Variants in TEAD1 observed in about 807,000 individuals in gnomAD.
The protein encoded by TEAD1 is TEA domain transcription factor 1.
Under a neutral mutation model 54.9 loss-of-function variants are expected in TEAD1, and 9 were observed. The observed-to-expected ratio is 0.16, with a 90% CI of 0.10 to 0.29. The LOEUF is 0.29. Among genes scored for constraint, TEAD1 ranks in the 10% least tolerant of loss-of-function variants. The probability of loss-of-function intolerance (pLI) is 1.00; values close to 1 mark genes in which losing one functional copy is unlikely to be tolerated. For synonymous variants in TEAD1, 200 were observed against 187.8 expected, an observed-to-expected ratio of 1.07 and a Z score of -0.53; for missense variants, 387 against 535.9, an observed-to-expected ratio of 0.72 and a Z score of 2.74.
At chr11:12,683,463 G>A (rs987515067) in intron 2 of TEAD1, among the ~76,000 whole-genome samples, 1 of 152,126 alleles carries the variant, frequency 6.6e-6, no homozygotes, top group Admixed American at 6.5e-5. Flanking sequence ...TCAGAATAAA[G>A]GGGAAACACA....
intron 2 of TEAD1, among the ~76,000 whole-genome samples, chr11:12,740,769 C>T (rs1323685107): frequency 6.6e-6 from 1 of 152,078 alleles, no homozygotes; most frequent in Non-Finnish European, 1.5e-5. Context: ...ACTCCCACGA[C>T]ACATGGGGAT....
intron 3 of TEAD1, among the ~76,000 whole-genome samples, chr11:12,809,514 A>G (rs1371607267): frequency 6.6e-6 from 1 of 152,164 alleles, no homozygotes; most frequent in African/African-American, 2.4e-5. Context: ...GATGGAATTG[A>G]TGTCTCTGTG....
intron 9 of TEAD1, among the ~76,000 whole-genome samples, chr11:12,892,173 A>G (rs1009836843): frequency 5.3e-5 from 8 of 152,194 alleles, no homozygotes; most frequent in Admixed American, 3.9e-4. Flanking sequence ...ACTTCTTTCA[A>G]TGGCCTAAAT....
chr11:12,723,045 T>A (rs939363519), intron 2 of TEAD1, among the ~76,000 whole-genome samples: 1 of 152,126 alleles, frequency 6.6e-6, no homozygotes, highest in African/African-American at 2.4e-5. Context: ...TTATTGTGGA[T>A]TTTTTCCTTA....
chr11:12,867,853 G>A (rs187056926), intron 5 of TEAD1, among the ~76,000 whole-genome samples: 2 of 152,286 alleles, frequency 1.3e-5, no homozygotes, highest in Admixed American at 6.5e-5. Flanking sequence ...GGAGTGGCAG[G>A]AAGTATCCAA....
chr11:12,683,713 A>G (rs1404568584), intron 2 of TEAD1, among the ~76,000 whole-genome samples: 3 of 152,202 alleles, frequency 2.0e-5, no homozygotes, highest in Non-Finnish European at 4.4e-5. Flanking sequence ...GTTTGTTGCC[A>G]GTAATGGGCT....
chr11:12,925,144 G>A lies in TEAD1; in HGVS notation c.1014+92G>A. Reference sequence around the variant, plus strand: ...CTTGGGGCAGAGAGTTGTATTTTTGGATGTCTGCTTCTTACCTTCTGTATT... The same window carrying A: ...CTTGGGGCAGAGAGTTGTATTTTTGAATGTCTGCTTCTTACCTTCTGTATT... On this transcript the variant is annotated intron_variant, in intron 11 of 12. Coordinates refer to ENST00000527636, the MANE Select transcript of TEAD1 (RefSeq NM_021961.6). 4 of 1,447,640 alleles carry A rather than the reference G, an allele frequency of 2.8e-6. No individual in the cohort carries two copies. The South Asian group carries it at 4.7e-5, about 17-fold the overall frequency. The allele number at this position is 1,447,640 out of a possible 1,614,324, so 89.7% of individuals were successfully genotyped here. A position where few individuals can be genotyped will look rare whatever the true frequency, so the allele number is the denominator to read the frequency against.
intron 9 of TEAD1, among the ~76,000 whole-genome samples, chr11:12,886,465 A>G (rs1294106267): frequency 6.6e-6 from 1 of 152,194 alleles, no homozygotes; most frequent in Admixed American, 6.5e-5. Flanking sequence ...AATTTATTTA[A>G]CAAGTATTTT....
chr11:12,825,302 G>A (rs778998033), intron 3 of TEAD1, among the ~76,000 whole-genome samples: 1 of 152,168 alleles, frequency 6.6e-6, no homozygotes, highest in Non-Finnish European at 1.5e-5. Context: ...ATTTTCAGAT[G>A]AATTGAGCCT....
intron 3 of TEAD1, among the ~76,000 whole-genome samples, chr11:12,791,688 C>T (rs1274012383): frequency 2.0e-5 from 3 of 151,960 alleles, no homozygotes; most frequent in Non-Finnish European, 4.4e-5. Context: ...AGATTTGGGG[C>T]CAATTTAAGT....
At chr11:12,860,931 T>C (rs1412601023) in intron 3 of TEAD1, among the ~76,000 whole-genome samples, 3 of 152,134 alleles carry the variant, frequency 2.0e-5, no homozygotes, top group Non-Finnish European at 2.9e-5. Flanking sequence ...GAAGGAGAAA[T>C]AGAATCTAGC....
rs1327718257 is a variant in TEAD1 at position 12,939,486 on chromosome 11, CA to C, written c.*2265del. 2 of 152,242 alleles carry C rather than the reference CA, an allele frequency of 1.3e-5. No homozygotes were observed. Among genetic ancestry groups the C allele is most frequent in the Non-Finnish European group, 2.9e-5 (2 of 68,100 alleles). 9.4% of individuals were successfully genotyped at this position (152,242 alleles called of 1,614,324 possible). On this transcript the variant is annotated 3_prime_UTR_variant, in exon 13 of 13. Coordinates refer to ENST00000527636, the MANE Select transcript of TEAD1 (RefSeq NM_021961.6). ...CAGGAATGGTACTTTTCAGTGCAGC[CA>C]GGAGGGCTCTTGGGATTTCCTTTCC... is the stretch of plus-strand genomic sequence containing the variant.
At chr11:12,796,674 C>T (rs1008739070) in intron 3 of TEAD1, among the ~76,000 whole-genome samples, 1 of 151,318 alleles carries the variant, frequency 6.6e-6, no homozygotes, top group Admixed American at 6.6e-5. Flanking sequence ...TTCAGTGAGC[C>T]ATGATCGCAC....
At chr11:12,920,172 T>G (rs970792340) in intron 10 of TEAD1, among the ~76,000 whole-genome samples, 1 of 152,188 alleles carries the variant, frequency 6.6e-6, no homozygotes, top group Non-Finnish European at 1.5e-5. Context: ...GAAGGCGGTC[T>G]TAAAAATGCG....
intron 2 of TEAD1, among the ~76,000 whole-genome samples, chr11:12,725,936 G>T (rs988089886): frequency 1.3e-5 from 2 of 152,204 alleles, no homozygotes; most frequent in African/African-American, 4.8e-5. Flanking sequence ...GGAAACTATG[G>T]CCTAGAGTGA....
At chr11:12,761,268 G>A (rs1409898322) in intron 2 of TEAD1, among the ~76,000 whole-genome samples, 2 of 152,154 alleles carry the variant, frequency 1.3e-5, no homozygotes, top group South Asian at 4.1e-4. Context: ...AGAACAGCCT[G>A]CCCCTTGTGG....
Position 12,825,618 on chromosome 11 carries a change from T to A in TEAD1, c.203-36632T>A, listed in dbSNP as rs1045142639. On this transcript the variant is annotated intron_variant, in intron 3 of 12. Coordinates refer to ENST00000527636, the MANE Select transcript of TEAD1 (RefSeq NM_021961.6). ...TAGATTCAGTGCAATCCTTATACAA[T>A]TTTAGTATGCATCTTTTTAAAAAAA... 5.3e-5 allele frequency among the ~76,000 whole-genome samples: 8 copies of A among 152,314 alleles called. No homozygotes were observed. In the South Asian group the frequency reaches 1.7e-3, roughly 32 times the overall value.
chr11:12,818,181 T>C (rs1255682634), intron 3 of TEAD1, among the ~76,000 whole-genome samples: 4 of 152,218 alleles, frequency 2.6e-5, no homozygotes, highest in Admixed American at 1.3e-4. Context: ...TGGAATTGCA[T>C]GCTTACTTTT....
intron 2 of TEAD1, among the ~76,000 whole-genome samples, chr11:12,739,266 A>G (rs990280512): frequency 6.6e-6 from 1 of 152,092 alleles, no homozygotes; most frequent in South Asian, 2.1e-4. Flanking sequence ...TCTGTCATCT[A>G]TCTACAATCT....
Sources: gnomAD v4.1 joint callset for allele counts (sites outside exome capture counted in the v4.1 genomes callset) on GRCh38, gnomAD v4.1.1 for gene constraint, MANE v1.5 for transcripts, NCBI Gene and HGNC (gene_info 2026-07-23, HGNC 2026-07-21) for gene names.